The following BCKDHB variants were observed in gnomAD, a reference collection of about 807,000 sequenced individuals.
BCKDHB encodes branched chain keto acid dehydrogenase E1 subunit beta, also known as 2-oxoisovalerate dehydrogenase subunit beta, mitochondrial.
Under a neutral mutation model 48.5 loss-of-function variants are expected in BCKDHB, and 41 were observed. The ratio of observed to expected loss-of-function variants is 0.85; its 90% CI spans 0.66 to 1.10. BCKDHB has a LOEUF of 1.10. BCKDHB is among the 50% of genes least tolerant of loss of function. BCKDHB has a pLI of 0.00. For missense variants in BCKDHB, 496 were observed against 494.2 expected (o/e 1.00, Z -0.03); for synonymous variants, 201 against 174.8 (o/e 1.15, Z -1.18).
chr6:80,119,809 T>C (rs1769906554), intron 1 of BCKDHB, among the ~76,000 whole-genome samples: 1 of 152,146 alleles, frequency 6.6e-6, no homozygotes, highest in South Asian at 2.1e-4. Context: ...CCTTGATCTG[T>C]GAGGCACAGA....
At chr6:80,421,359 G>A in the BCKDHB span, among the ~76,000 whole-genome samples, 1 of 152,136 alleles carries the variant, frequency 6.6e-6, no homozygotes, top group South Asian at 2.1e-4. Context: ...CCAGTCTCTG[G>A]TAGTATTTTT....
At chr6:80,349,084 G>C (rs1222776898), downstream of BCKDHB, among the ~76,000 whole-genome samples, 1 of 152,174 alleles carries the variant, frequency 6.6e-6, no homozygotes, top group Non-Finnish European at 1.5e-5. Flanking sequence ...AGAAAATAGT[G>C]ATGATCATAA....
intron 9 of BCKDHB, among the ~76,000 whole-genome samples, chr6:80,332,606 A>G (rs1295785578): frequency 6.6e-6 from 1 of 151,838 alleles, no homozygotes; most frequent in Non-Finnish European, 1.5e-5. Flanking sequence ...CAAATTACTT[A>G]GTTACCTAAA....
At chr6:80,198,663 GA>G (rs552767990) in intron 6 of BCKDHB, among the ~76,000 whole-genome samples, 61 of 152,188 alleles carry the variant, frequency 4.0e-4, no homozygotes, top group African/African-American at 1.3e-3. Flanking sequence ...ATTGATGAGT[GA>G]AAAAAATGCA....
At chr6:80,321,363 G>A (rs543864827) in intron 9 of BCKDHB, among the ~76,000 whole-genome samples, 1 of 152,164 alleles carries the variant, frequency 6.6e-6, no homozygotes. Flanking sequence ...TGAATAACCT[G>A]TAGTGGAAAA....
the BCKDHB span, among the ~76,000 whole-genome samples, chr6:80,359,523 C>T: frequency 3.3e-5 from 5 of 152,214 alleles, no homozygotes; most frequent in African/African-American, 1.2e-4. Context: ...CTTTTATTAT[C>T]ATTTTAATGC....
At chr6:80,120,834 T>C (rs1180759895) in intron 1 of BCKDHB, among the ~76,000 whole-genome samples, 1 of 152,338 alleles carries the variant, frequency 6.6e-6, no homozygotes, top group African/African-American at 2.4e-5. Flanking sequence ...CTGATGATAG[T>C]TTATTTTGCC....
chr6:80,432,556 G>A, the BCKDHB span, among the ~76,000 whole-genome samples: 14 of 151,996 alleles, frequency 9.2e-5, no homozygotes, highest in African/African-American at 2.4e-4. Flanking sequence ...CTCTAAACTG[G>A]TTATTCTAGT....
chr6:80,388,312 G>A, the BCKDHB span, among the ~76,000 whole-genome samples: 2 of 152,136 alleles, frequency 1.3e-5, no homozygotes, highest in Non-Finnish European at 2.9e-5. Flanking sequence ...GATGCTGTTT[G>A]GGGCCTTTGG....
intron 9 of BCKDHB, among the ~76,000 whole-genome samples, chr6:80,287,437 A>G (rs533124581): frequency 0.014 from 2,161 of 150,526 alleles, 46 homozygotes; most frequent in African/African-American, 0.05. Context: ...AAAAAAGATC[A>G]AGAATATAAA....
rs1195441928 is a variant in BCKDHB at position 80,341,111 on chromosome 6, T to C, written c.1039-2553T>C. Among the ~76,000 whole-genome samples the C allele has an allele frequency of 2.0e-5, 3 of 152,188 alleles. No homozygotes were observed. The East Asian group carries it at 5.8e-4, about 29-fold the overall frequency. ...GCATATATTCTTAAAAAGACTGATATCCTATTCGTAGTCTTCTCTTATATA... is the reference window on the plus strand; with the variant it reads ...GCATATATTCTTAAAAAGACTGATACCCTATTCGTAGTCTTCTCTTATATA... On this transcript the variant is annotated intron_variant, in intron 9 of 9. Coordinates refer to ENST00000320393, the MANE Select transcript of BCKDHB (RefSeq NM_183050.4).
At chr6:80,165,845 T>C (rs1364452266) in intron 3 of BCKDHB, among the ~76,000 whole-genome samples, 2 of 152,180 alleles carry the variant, frequency 1.3e-5, no homozygotes, top group African/African-American at 4.8e-5. Flanking sequence ...GCTTTTGGAG[T>C]GTCCTGTGGG....
At chr6:80,206,242 T>C (rs1774652516) in intron 8 of BCKDHB, among the ~76,000 whole-genome samples, 1 of 152,062 alleles carries the variant, frequency 6.6e-6, no homozygotes, top group African/African-American at 2.4e-5. Flanking sequence ...ATACAGCCTC[T>C]ACCCCTTTGA....
intron 9 of BCKDHB, among the ~76,000 whole-genome samples, chr6:80,273,988 C>T (rs1036456975): frequency 3.3e-5 from 5 of 151,902 alleles, no homozygotes; most frequent in African/African-American, 7.2e-5. Context: ...AGAATATCTT[C>T]GCAGTTTGCA....
chr6:80,160,067 T>A (rs1414953716), intron 3 of BCKDHB, among the ~76,000 whole-genome samples: 1 of 152,276 alleles, frequency 6.6e-6, no homozygotes, highest in Non-Finnish European at 1.5e-5. Context: ...TAAAACTAAT[T>A]AAAGCTTCTG....
chr6:80,233,198 T>C (rs1776007092), intron 8 of BCKDHB, among the ~76,000 whole-genome samples: 1 of 152,114 alleles, frequency 6.6e-6, no homozygotes, highest in African/African-American at 2.4e-5. Flanking sequence ...ATAGTAAGCC[T>C]AAAATGTCCT....
In BCKDHB at chr6:80,272,862, G is replaced by T. The variant is rs772659469; in HGVS notation, c.952-273G>T. Among the ~76,000 whole-genome samples, 27 of 151,674 alleles carry T rather than the reference G, an allele frequency of 1.8e-4. No homozygotes were observed. In the Middle Eastern group the frequency reaches 0.01, roughly 58 times the overall value. On this transcript the variant is annotated intron_variant, in intron 8 of 9. Transcript: ENST00000320393. The stretch of plus-strand genomic sequence containing the variant: ...AACACAAACGTATCTTACAATAATG[G>T]GTATGCATTTTTAATTGCATATATG...
intron 9 of BCKDHB, among the ~76,000 whole-genome samples, chr6:80,287,607 G>A (rs534988275): frequency 2.0e-5 from 3 of 152,206 alleles, no homozygotes; most frequent in South Asian, 2.1e-4. Context: ...TAAGCAAAAG[G>A]AAAGTTCTCA....
At chr6:80,309,070 GTTTTTTT>G (rs1265820899) in intron 9 of BCKDHB, among the ~76,000 whole-genome samples, 6 of 140,074 alleles carry the variant, frequency 4.3e-5, no homozygotes, top group Non-Finnish European at 9.4e-5. Flanking sequence ...TTTGTTTTTT[GTTTTTTT>G]TTTTAGACGG....
Sources: gnomAD v4.1 joint callset for allele counts (sites outside exome capture counted in the v4.1 genomes callset) on GRCh38, gnomAD v4.1.1 for gene constraint, MANE v1.5 for transcripts, NCBI Gene and HGNC (gene_info 2026-07-23, HGNC 2026-07-21) for gene names.